Variants in RUNDC3B observed in about 807,000 individuals in gnomAD.
RUNDC3B encodes RUN domain-containing protein 3B.
In RUNDC3B, 33 loss-of-function variants were observed where a neutral mutation model predicts 58.4. That is an observed-to-expected ratio of 0.56 (90% CI 0.43 to 0.75). RUNDC3B has a LOEUF of 0.75. RUNDC3B is among the 30% of genes least tolerant of loss of function. The pLI is 0.00. For synonymous variants in RUNDC3B, 193 were observed against 195.2 expected (o/e 0.99, Z 0.10); for missense variants, 501 against 535.7 (o/e 0.94, Z 0.64).
At chr7:87,672,662 A>T (rs1158676771) in intron 2 of RUNDC3B, among the ~76,000 whole-genome samples, 1 of 152,126 alleles carries the variant, frequency 6.6e-6, no homozygotes, top group Admixed American at 6.5e-5. Flanking sequence ...CCAAGACTCC[A>T]TGTAGCTCTG....
intron 4 of RUNDC3B, among the ~76,000 whole-genome samples, chr7:87,717,417 C>CT (rs1410941881): frequency 6.6e-6 from 1 of 151,824 alleles, no homozygotes; most frequent in East Asian, 1.9e-4. Context: ...CACATAATTA[C>CT]TAAATAAAAA....
intron 8 of RUNDC3B, among the ~76,000 whole-genome samples, chr7:87,787,978 A>C (rs1351870308): frequency 6.6e-6 from 1 of 152,168 alleles, no homozygotes; most frequent in African/African-American, 2.4e-5. Context: ...CTTTTAAATA[A>C]TAGTATTTGT....
At chr7:87,678,549 G>A (rs1018651521) in intron 2 of RUNDC3B, among the ~76,000 whole-genome samples, 6 of 151,938 alleles carry the variant, frequency 3.9e-5, no homozygotes, top group African/African-American at 1.5e-4. Context: ...GGTGAAAAAA[G>A]GGATAAACAG....
chr7:87,765,664 T>C (rs1833938587), intron 6 of RUNDC3B, among the ~76,000 whole-genome samples: 2 of 152,096 alleles, frequency 1.3e-5, no homozygotes, highest in South Asian at 4.1e-4. Flanking sequence ...AGATATTTGA[T>C]ATGATTTCAG....
chr7:87,762,411 C>G (rs1162265519), intron 6 of RUNDC3B, among the ~76,000 whole-genome samples: 1 of 151,230 alleles, frequency 6.6e-6, no homozygotes, highest in Non-Finnish European at 1.5e-5. Context: ...ATGAATTTTA[C>G]ATCTATATGT....
At chr7:87,677,307 A>ACC (rs1484411128) in intron 2 of RUNDC3B, among the ~76,000 whole-genome samples, 2 of 149,162 alleles carry the variant, frequency 1.3e-5, no homozygotes, top group Non-Finnish European at 3.0e-5. Context: ...ACACACACAC[A>ACC]CACCACAATG....
chr7:87,799,142 A>G (rs2130920181), intron 8 of RUNDC3B, among the ~76,000 whole-genome samples: 1 of 152,308 alleles, frequency 6.6e-6, no homozygotes, highest in Non-Finnish European at 1.5e-5. Context: ...AACTTCTCTG[A>G]TATTGTTTTA....
At chr7:87,652,149 A>T (rs546988535) in intron 2 of RUNDC3B, among the ~76,000 whole-genome samples, 1 of 152,132 alleles carries the variant, frequency 6.6e-6, no homozygotes, top group Non-Finnish European at 1.5e-5. Context: ...AGCATATGGA[A>T]TAGAATAGAC....
chr7:87,729,618 G>A (rs1831460328), intron 4 of RUNDC3B, among the ~76,000 whole-genome samples: 1 of 152,158 alleles, frequency 6.6e-6, no homozygotes. Context: ...GTTCTTGGGG[G>A]TCTTAAATAA....
chr7:87,633,506 T>C (rs764302350), intron 1 of RUNDC3B, among the ~76,000 whole-genome samples: 29 of 152,210 alleles, frequency 1.9e-4, no homozygotes, highest in Non-Finnish European at 1.2e-4. Flanking sequence ...TGGAGTTCTT[T>C]GAGCTTTTGC....
At chr7:87,629,764 A>C (rs1821012488) in intron 1 of RUNDC3B, among the ~76,000 whole-genome samples, 1 of 151,736 alleles carries the variant, frequency 6.6e-6, no homozygotes, top group African/African-American at 2.4e-5. Context: ...GTCTCTACTA[A>C]AAATACAAAA....
intron 2 of RUNDC3B, among the ~76,000 whole-genome samples, chr7:87,676,378 AAAC>A (rs145424538): frequency 0.048 from 7,312 of 152,080 alleles, 250 homozygotes; most frequent in East Asian, 0.09. Context: ...ACTCAGTAGA[AAAC>A]AACAACAACA....
Position 87,661,359 on chromosome 7 carries a change from TTCTA to T in RUNDC3B, c.238+10427_238+10430del, listed in dbSNP as rs142109376. ...GTGATCAAATACTAGATCTTATTAG[TTCTA>T]TCTAACTACATTTTTGTACCCATTA... is the stretch of plus-strand genomic sequence containing the variant. On this transcript the variant is annotated intron_variant, in intron 2 of 10. Transcript: ENST00000394654. 7.4e-3 allele frequency among the ~76,000 whole-genome samples: 1,125 copies of T among 152,020 alleles called. 9 individuals are homozygous for T. The highest frequency in any genetic ancestry group is 0.049 in the East Asian group (253 of 5,162).
chr7:87,762,597 TTTTG>T (rs1445787090), intron 6 of RUNDC3B, among the ~76,000 whole-genome samples: 2 of 151,538 alleles, frequency 1.3e-5, no homozygotes, highest in Non-Finnish European at 3.0e-5. Flanking sequence ...ACCAGTTTTC[TTTTG>T]TTTAATATTT....
chr7:87,629,593 TGTA>T (rs931211811), intron 1 of RUNDC3B, among the ~76,000 whole-genome samples: 3 of 152,134 alleles, frequency 2.0e-5, no homozygotes, highest in Admixed American at 6.5e-5. Flanking sequence ...TAACTGTAAA[TGTA>T]GTATTTCCTT....
Position 87,664,706 on chromosome 7 carries a change from A to T in RUNDC3B, c.238+13769A>T, listed in dbSNP as rs138000479. On this transcript the variant is annotated intron_variant, in intron 2 of 10. Coordinates refer to ENST00000394654, the MANE Select transcript of RUNDC3B (RefSeq NM_001134405.2). ...AAATCAATAGAAATGATCCAATCTG[A>T]AGAACAGAACAGGAAGAAATTTAAA... is the stretch of plus-strand genomic sequence containing the variant. Among the ~76,000 whole-genome samples, 17 of 152,290 alleles carry T rather than the reference A, an allele frequency of 1.1e-4. No individual in the cohort carries two copies. In the East Asian group the frequency reaches 3.3e-3, roughly 29 times the overall value.
intron 10 of RUNDC3B, among the ~76,000 whole-genome samples, chr7:87,822,347 C>G (rs1837515823): frequency 6.6e-6 from 1 of 152,234 alleles, no homozygotes; most frequent in South Asian, 2.1e-4. Flanking sequence ...GATACCGTCT[C>G]ACACCAGTTA....
intron 4 of RUNDC3B, among the ~76,000 whole-genome samples, chr7:87,735,057 A>C (rs749939729): frequency 2.9e-4 from 44 of 152,142 alleles, no homozygotes; most frequent in Non-Finnish European, 5.9e-4. Flanking sequence ...CCATATGACC[A>C]TGATACCACA....
chr7:87,770,524 T>A, intron 6 of RUNDC3B, 57 bp from the exon 7 acceptor site: 1 of 1,390,830 alleles, frequency 7.2e-7, no homozygotes, highest in Non-Finnish European at 9.9e-7. Flanking sequence ...GTAAAAGTGT[T>A]TAAGAATCAA....
Sources: allele counts gnomAD v4.1 joint callset (sites outside exome capture counted in the v4.1 genomes callset), GRCh38; gene constraint gnomAD v4.1.1; transcripts MANE v1.5; gene names NCBI Gene and HGNC (gene_info 2026-07-23, HGNC 2026-07-21).